The following FTO variants were observed in gnomAD, a reference collection of about 807,000 sequenced individuals.
The protein encoded by FTO is alpha-ketoglutarate-dependent dioxygenase FTO.
FTO carries 47 observed loss-of-function variants against 63.9 expected under a neutral mutation model. That is an observed-to-expected ratio of 0.74 (90% CI 0.58 to 0.94). The LOEUF is 0.94. Among genes scored for constraint, FTO ranks in the 40% least tolerant of loss-of-function variants. FTO has a pLI of 0.00. For synonymous variants in FTO, 207 were observed against 224.4 expected (o/e 0.92, Z 0.69); for missense variants, 562 against 618.1 (o/e 0.91, Z 0.96).
chr16:54,092,740 A>T (rs906736978), intron 8 of FTO, among the ~76,000 whole-genome samples: 2 of 152,194 alleles, frequency 1.3e-5, no homozygotes, highest in Admixed American at 6.5e-5. Context: ...CTGAAAAAGG[A>T]CGTTAACTTG....
At chr16:53,951,368 A>C (rs143982031) in intron 8 of FTO, among the ~76,000 whole-genome samples, 1 of 152,284 alleles carries the variant, frequency 6.6e-6, no homozygotes, top group Non-Finnish European at 1.5e-5. Context: ...ACAGTCATCC[A>C]TGTTCAGTCC....
At chr16:53,800,608 C>G (rs906463124) in intron 1 of FTO, among the ~76,000 whole-genome samples, 2 of 152,000 alleles carry the variant, frequency 1.3e-5, no homozygotes, top group Non-Finnish European at 2.9e-5. Context: ...ATGGAATTAC[C>G]TATTTCTTTT....
chr16:53,796,700 G>GTCCA (rs2078082763), intron 1 of FTO, among the ~76,000 whole-genome samples: 1 of 152,158 alleles, frequency 6.6e-6, no homozygotes, highest in African/African-American at 2.4e-5. Context: ...ATAATGAAAA[G>GTCCA]TCCATCTGTC....
intron 8 of FTO, among the ~76,000 whole-genome samples, chr16:54,090,436 A>C (rs2144551302): frequency 6.6e-6 from 1 of 152,312 alleles, no homozygotes; most frequent in Non-Finnish European, 1.5e-5. Flanking sequence ...GTGTAATGGC[A>C]AAGTTTTAGA....
At chr16:53,963,234 T>C (rs2143653350) in intron 8 of FTO, among the ~76,000 whole-genome samples, 1 of 152,292 alleles carries the variant, frequency 6.6e-6, no homozygotes. Context: ...GACCCAGAAC[T>C]AATTCTCCAT....
At chr16:54,101,007 C>T (rs974161588) in intron 8 of FTO, among the ~76,000 whole-genome samples, 21 of 152,162 alleles carry the variant, frequency 1.4e-4, no homozygotes, top group African/African-American at 5.1e-4. Context: ...CAGCAAGGGG[C>T]TCTTGCATCC....
chr16:53,986,698 G>A (rs1311834361), intron 8 of FTO, among the ~76,000 whole-genome samples: 1 of 152,148 alleles, frequency 6.6e-6, no homozygotes, highest in African/African-American at 2.4e-5. Flanking sequence ...AGTAGAGTGT[G>A]TCTAATCTTT....
At chr16:54,094,217 T>C (rs1360374461) in intron 8 of FTO, among the ~76,000 whole-genome samples, 1 of 152,180 alleles carries the variant, frequency 6.6e-6, no homozygotes. Context: ...AAACTTGTGG[T>C]TGTGATGATT....
intron 1 of FTO, among the ~76,000 whole-genome samples, chr16:53,760,852 C>G (rs1040070068): frequency 1.3e-5 from 2 of 151,972 alleles, no homozygotes; most frequent in Admixed American, 1.3e-4. Flanking sequence ...GTCTGAAACT[C>G]CTGACCTCAA....
At chr16:53,826,582 C>T (rs2079012529) in intron 3 of FTO, 91 bp downstream of exon 3, 1 of 1,212,248 alleles carries the variant, frequency 8.2e-7, no homozygotes, top group Non-Finnish European at 1.2e-6. Flanking sequence ...TATACATGAA[C>T]ATGTTTGCAT....
At chr16:53,761,525 G>T (rs1356224483) in intron 1 of FTO, among the ~76,000 whole-genome samples, 1 of 152,196 alleles carries the variant, frequency 6.6e-6, no homozygotes, top group African/African-American at 2.4e-5. Flanking sequence ...TTGTATGTCA[G>T]AGTTTCTTTT....
intron 8 of FTO, among the ~76,000 whole-genome samples, chr16:53,951,813 T>C (rs2082807901): frequency 6.6e-6 from 1 of 150,786 alleles, no homozygotes; most frequent in Non-Finnish European, 1.5e-5. Flanking sequence ...AAATCAATCT[T>C]GTTTTTTTTT....
At chr16:53,966,184 T>G (rs926569782) in intron 8 of FTO, among the ~76,000 whole-genome samples, 6 of 152,204 alleles carry the variant, frequency 3.9e-5, no homozygotes, top group African/African-American at 1.4e-4. Flanking sequence ...TGAAACTTAA[T>G]GAGGATGTAT....
At chr16:53,816,349 G>T (rs1459062591) in intron 2 of FTO, among the ~76,000 whole-genome samples, 1 of 152,088 alleles carries the variant, frequency 6.6e-6, no homozygotes, top group East Asian at 1.9e-4. Flanking sequence ...AATGATCTTT[G>T]AAAACATAAA....
At chr16:53,749,888 T>G (rs1004305654) in intron 1 of FTO, among the ~76,000 whole-genome samples, 1 of 152,232 alleles carries the variant, frequency 6.6e-6, no homozygotes, top group African/African-American at 2.4e-5. Context: ...TTTTTCTGCA[T>G]CTAATGAGAT....
chr16:54,031,503 T>G (rs1344647869), intron 8 of FTO, among the ~76,000 whole-genome samples: 1 of 152,068 alleles, frequency 6.6e-6, no homozygotes, highest in Non-Finnish European at 1.5e-5. Flanking sequence ...GTCAAAACTG[T>G]CTTTGTGCCT....
At chr16:54,094,636 C>G (rs1437688537) in intron 8 of FTO, among the ~76,000 whole-genome samples, 1 of 152,182 alleles carries the variant, frequency 6.6e-6, no homozygotes, top group South Asian at 2.1e-4. Flanking sequence ...GAGGCTTTGG[C>G]GTGATTCCTT....
intron 8 of FTO, among the ~76,000 whole-genome samples, chr16:53,945,323 G>A (rs1043012782): frequency 6.6e-6 from 1 of 152,238 alleles, no homozygotes; most frequent in African/African-American, 2.4e-5. Flanking sequence ...GTTCCAGACA[G>A]AGTTTTAAAT....
In FTO at chr16:53,846,196, C is replaced by T. The variant is rs186007431; in HGVS notation, c.895+1898C>T. Among the ~76,000 whole-genome samples, 7 of 152,188 alleles carry T rather than the reference C, an allele frequency of 4.6e-5. No homozygotes were observed. In the East Asian group the frequency reaches 1.2e-3, roughly 25 times the overall value. ...CAACCTGATCCCAATATACTGAAAT[C>T]TCTATGTGGGAATGTTTTCAGTGTT... On this transcript the variant is annotated intron_variant, in intron 4 of 8. Transcript: ENST00000471389.
Sources: gnomAD v4.1 joint callset for allele counts (sites outside exome capture counted in the v4.1 genomes callset) on GRCh38, gnomAD v4.1.1 for gene constraint, MANE v1.5 for transcripts, NCBI Gene and HGNC (gene_info 2026-07-23, HGNC 2026-07-21) for gene names.